Variants in CDH18 observed in about 807,000 individuals in gnomAD.
CDH18 encodes cadherin-18.
A neutral mutation model predicts 67.9 loss-of-function variants in CDH18; 31 were observed. The observed-to-expected ratio is 0.46, with a 90% CI of 0.34 to 0.62. The LOEUF is 0.62. Ranked by LOEUF, CDH18 falls within the 20% of genes least tolerant of loss-of-function variation. The pLI is 0.01. For synonymous variants in CDH18, 362 were observed against 347.2 expected, an observed-to-expected ratio of 1.04 and a Z score of -0.48; for missense variants, 890 against 975.5, an observed-to-expected ratio of 0.91 and a Z score of 1.17.
chr5:19,521,051 T>C (rs985782190), intron 9 of CDH18, among the ~76,000 whole-genome samples: 18 of 152,196 alleles, frequency 1.2e-4, no homozygotes, highest in Admixed American at 1.1e-3. Flanking sequence ...TGGGAGAAAG[T>C]TGTCAGAATT....
intron 2 of CDH18, among the ~76,000 whole-genome samples, chr5:20,142,150 T>C (rs1395897209): frequency 6.6e-6 from 1 of 152,130 alleles, no homozygotes; most frequent in Non-Finnish European, 1.5e-5. Context: ...GCTGAAAGAA[T>C]AGTTCAGTTA....
intron 1 of CDH18, among the ~76,000 whole-genome samples, chr5:20,497,260 C>A (rs1169960807): frequency 6.6e-6 from 1 of 152,042 alleles, no homozygotes; most frequent in African/African-American, 2.4e-5. Context: ...TCTTATAGTT[C>A]TTGTCAAAGA....
intron 1 of CDH18, among the ~76,000 whole-genome samples, chr5:20,516,802 G>A (rs929108905): frequency 1.9e-4 from 29 of 151,790 alleles, no homozygotes; most frequent in Admixed American, 6.6e-4. Flanking sequence ...TCGGATTGCC[G>A]TAGGACTTCT....
intron 3 of CDH18, among the ~76,000 whole-genome samples, chr5:19,795,085 A>G (rs1561314788): frequency 6.6e-6 from 1 of 152,116 alleles, no homozygotes; most frequent in Admixed American, 6.5e-5. Flanking sequence ...GAGCTTACCC[A>G]TTTCAAACAG....
At chr5:20,533,906 C>T (rs10062945) in intron 1 of CDH18, among the ~76,000 whole-genome samples, 8,020 of 151,942 alleles carry the variant, frequency 0.053, 672 homozygotes, top group African/African-American at 0.18. Context: ...ATCAAAAGTT[C>T]ATATCGATAT....
At chr5:20,182,172 T>G (rs1029572082) in intron 2 of CDH18, among the ~76,000 whole-genome samples, 8 of 152,114 alleles carry the variant, frequency 5.3e-5, no homozygotes, top group South Asian at 4.1e-4. Flanking sequence ...CAAGAGAACA[T>G]TATTGATTTT....
intron 1 of CDH18, among the ~76,000 whole-genome samples, chr5:20,284,546 AGCATTATTC>A (rs1746537670): frequency 6.6e-6 from 1 of 151,958 alleles, no homozygotes; most frequent in Non-Finnish European, 1.5e-5. Flanking sequence ...ATTTGACTTA[AGCATTATTC>A]TTCTTGTGAG....
intron 11 of CDH18, among the ~76,000 whole-genome samples, chr5:19,489,381 G>A (rs1440424024): frequency 6.6e-6 from 1 of 151,424 alleles, no homozygotes; most frequent in Non-Finnish European, 1.5e-5. Flanking sequence ...CAAAGTAGCT[G>A]GGACTACAGG....
At chr5:20,368,730 T>C (rs1372147970) in intron 1 of CDH18, among the ~76,000 whole-genome samples, 1 of 152,140 alleles carries the variant, frequency 6.6e-6, no homozygotes, top group Non-Finnish European at 1.5e-5. Flanking sequence ...AGTACTGGCA[T>C]TAGAGCACAC....
At chr5:19,487,129 G>A (rs1291066959) in intron 11 of CDH18, among the ~76,000 whole-genome samples, 2 of 152,172 alleles carry the variant, frequency 1.3e-5, no homozygotes, top group African/African-American at 4.8e-5. Context: ...ATGCATATTA[G>A]AGGCTAGACT....
At chr5:19,556,873 G>T (rs1345909748) in intron 8 of CDH18, among the ~76,000 whole-genome samples, 1 of 151,864 alleles carries the variant, frequency 6.6e-6, no homozygotes, top group Non-Finnish European at 1.5e-5. Flanking sequence ...GAAATGTGTG[G>T]AAAAACAAAC....
chr5:19,819,579 C>A (rs550928125), intron 3 of CDH18, among the ~76,000 whole-genome samples: 1 of 152,294 alleles, frequency 6.6e-6, no homozygotes, highest in African/African-American at 2.4e-5. Context: ...TGTGAGGCAG[C>A]ACACTCGCAT....
At chr5:20,445,106 CAGTT>C (rs1218177199) in intron 1 of CDH18, among the ~76,000 whole-genome samples, 8 of 152,156 alleles carry the variant, frequency 5.3e-5, no homozygotes, top group Non-Finnish European at 7.3e-5. Context: ...TCTTCATTCA[CAGTT>C]GGTGTGTCCT....
At chr5:20,483,203 C>T (rs1296420643) in intron 1 of CDH18, among the ~76,000 whole-genome samples, 2 of 151,728 alleles carry the variant, frequency 1.3e-5, no homozygotes, top group Admixed American at 6.6e-5. Context: ...TAGGAAAAAA[C>T]TTAACCAAAT....
chr5:20,100,596 A>C (rs1746371799), intron 2 of CDH18, among the ~76,000 whole-genome samples: 1 of 152,156 alleles, frequency 6.6e-6, no homozygotes, highest in Non-Finnish European at 1.5e-5. Context: ...CTACATAATA[A>C]ATTTTGCTTA....
intron 2 of CDH18, among the ~76,000 whole-genome samples, chr5:20,028,968 C>T (rs1215059009): frequency 6.6e-6 from 1 of 152,080 alleles, no homozygotes; most frequent in African/African-American, 2.4e-5. Context: ...TATTTGAATA[C>T]ATTTGTCAAT....
intron 10 of CDH18, among the ~76,000 whole-genome samples, chr5:19,505,590 T>G (rs1027711342): frequency 5.3e-5 from 8 of 151,876 alleles, no homozygotes; most frequent in Non-Finnish European, 1.0e-4. Context: ...TGGTTTTTGT[T>G]GTTGGTTCTG....
At chr5:20,528,498 T>C (rs62352727) in intron 1 of CDH18, among the ~76,000 whole-genome samples, 4 of 152,158 alleles carry the variant, frequency 2.6e-5, no homozygotes, top group African/African-American at 9.6e-5. Context: ...GATCACGTAA[T>C]TGGAGGTAAA....
chr5:19,695,591 G>T (rs1485618652), intron 5 of CDH18, among the ~76,000 whole-genome samples: 5 of 152,002 alleles, frequency 3.3e-5, no homozygotes, highest in African/African-American at 1.2e-4. Context: ...TTCAAAGTTC[G>T]CTGACAATGA....
Sources: gnomAD v4.1 joint callset for allele counts (sites outside exome capture counted in the v4.1 genomes callset) on GRCh38, gnomAD v4.1.1 for gene constraint, MANE v1.5 for transcripts, NCBI Gene and HGNC (gene_info 2026-07-23, HGNC 2026-07-21) for gene names.